ALDH1L1: variants seen among roughly 807,000 people sequenced by gnomAD.
ALDH1L1 encodes the protein aldehyde dehydrogenase 1 family member L1.
ALDH1L1 carries 68 observed loss-of-function variants against 101.1 expected under a neutral mutation model. That is an observed-to-expected ratio of 0.67 (90% CI 0.55 to 0.82). The LOEUF (loss-of-function observed/expected upper bound fraction) is 0.82, where lower values mean the gene tolerates loss of function less well. ALDH1L1 is among the 40% of genes least tolerant of loss of function. The probability of loss-of-function intolerance (pLI) is 0.00; values close to 1 mark genes in which losing one functional copy is unlikely to be tolerated. For synonymous variants in ALDH1L1, 486 were observed against 470.8 expected (o/e 1.03, Z -0.42); for missense variants, 1,087 against 1,172.7 (o/e 0.93, Z 1.07).
intron 1 of ALDH1L1, among the ~76,000 whole-genome samples, chr3:126,179,493 C>G (rs1274749616): frequency 1.5e-5 from 2 of 134,872 alleles, no homozygotes; most frequent in Non-Finnish European, 3.1e-5. Context: ...GAGCGAGACT[C>G]TGTCTCAAAC....
At chr3:126,144,051 G>T (rs1400423966) in intron 9 of ALDH1L1, among the ~76,000 whole-genome samples, 1 of 152,124 alleles carries the variant, frequency 6.6e-6, no homozygotes, top group East Asian at 1.9e-4. Flanking sequence ...CAAAAAAACA[G>T]TTGCAACTCC....
chr3:126,179,568 C>T (rs779724231), intron 1 of ALDH1L1: 1 of 152,406 alleles, frequency 6.6e-6, no homozygotes, highest in African/African-American at 2.4e-5. Context: ...GCGGGGCAGT[C>T]TCATGTAATT....
At chr3:126,117,517 T>G (rs1297906784) in intron 17 of ALDH1L1, among the ~76,000 whole-genome samples, 3 of 151,178 alleles carry the variant, frequency 2.0e-5, no homozygotes, top group Non-Finnish European at 3.0e-5. Context: ...TTAGCTGGGC[T>G]TGGTGGTGCA....
intron 1 of ALDH1L1, among the ~76,000 whole-genome samples, chr3:126,173,058 TG>T (rs1222728286): frequency 2.0e-5 from 3 of 152,072 alleles, no homozygotes; most frequent in African/African-American, 7.2e-5. Context: ...AAACAAAAAT[TG>T]AAGGAATTTG....
At chr3:126,157,565 C>T in intron 3 of ALDH1L1, 57 bp from the exon 4 acceptor site, 1 of 1,583,812 alleles carries the variant, frequency 6.3e-7, no homozygotes, top group Admixed American at 1.7e-5. Context: ...GGAGGATGTC[C>T]TGGGTACAGG....
At chr3:126,120,562 G>A (rs1432091776) in intron 16 of ALDH1L1, among the ~76,000 whole-genome samples, 1 of 152,194 alleles carries the variant, frequency 6.6e-6, no homozygotes, top group Non-Finnish European at 1.5e-5. Context: ...AAAACCCATG[G>A]AATGTACAAC....
intron 16 of ALDH1L1, among the ~76,000 whole-genome samples, chr3:126,120,279 G>A (rs1382946027): frequency 6.6e-6 from 1 of 152,236 alleles, no homozygotes; most frequent in Non-Finnish European, 1.5e-5. Context: ...TCAGACAAGG[G>A]AAATTATTCA....
At chr3:126,187,460 C>A (rs1559985462) in intron 1 of ALDH1L1, among the ~76,000 whole-genome samples, 1 of 152,050 alleles carries the variant, frequency 6.6e-6, no homozygotes, top group African/African-American at 2.4e-5. Flanking sequence ...GTAAGGTCAT[C>A]TCCCGAGGTG....
chr3:126,144,164 C>T (rs2080625038), intron 9 of ALDH1L1, among the ~76,000 whole-genome samples: 1 of 152,030 alleles, frequency 6.6e-6, no homozygotes, highest in South Asian at 2.1e-4. Flanking sequence ...AAGTAGCCAA[C>T]AGAGTTGTAC....
intron 22 of ALDH1L1, chr3:126,105,329 C>T (rs1029298385): frequency 8.9e-6 from 3 of 338,412 alleles, no homozygotes; most frequent in South Asian, 2.5e-5. Context: ...ACCACTCTGG[C>T]CTCTCTGCAG....
chr3:126,167,544 T>C (rs2081194106), intron 1 of ALDH1L1, among the ~76,000 whole-genome samples: 1 of 152,110 alleles, frequency 6.6e-6, no homozygotes, highest in Admixed American at 6.6e-5. Flanking sequence ...TGGCAGCTAA[T>C]TTACCTGTCT....
At chr3:126,149,675 C>A (rs2080770550) in intron 8 of ALDH1L1, among the ~76,000 whole-genome samples, 1 of 152,188 alleles carries the variant, frequency 6.6e-6, no homozygotes, top group African/African-American at 2.4e-5. Flanking sequence ...CTGTTAACAC[C>A]CAAGGTCCCC....
chr3:126,121,957 C>T (rs931011945), intron 16 of ALDH1L1, among the ~76,000 whole-genome samples: 1 of 152,172 alleles, frequency 6.6e-6, no homozygotes, highest in African/African-American at 2.4e-5. Flanking sequence ...ACCCAGACCG[C>T]ACTCATAAGG....
At chr3:126,165,680 A>G (rs2081152992) in intron 1 of ALDH1L1, among the ~76,000 whole-genome samples, 1 of 152,036 alleles carries the variant, frequency 6.6e-6, no homozygotes, top group Admixed American at 6.5e-5. Flanking sequence ...GAATTTATCC[A>G]TTTCCTTTAG....
At position 126,110,047 on chromosome 3, in the gene ALDH1L1, C is replaced by A; in HGVS notation, c.2244G>T (p.Pro748=). 1 of 1,614,226 alleles carries A rather than the reference C, an allele frequency of 6.2e-7. No homozygotes were observed. The highest frequency in any genetic ancestry group is 8.5e-7 in the Non-Finnish European group (1 of 1,180,038). Residue 748 remains proline (P), a synonymous_variant, in exon 20 of 23, where the codon CCG becomes CCT. Coordinates refer to ENST00000393434, the MANE Select transcript of ALDH1L1 (RefSeq NM_012190.4). ...NPLDRDTDHG[P]QNHHAHLVKL... ...TCACAAGGTGGGCATGGTGATTCTG[C>A]GGCCCGTGGTCGGTGTCCCTGTCCA... is the stretch of plus-strand genomic sequence containing the variant.
intron 4 of ALDH1L1, 71 bp from the exon 5 acceptor site, chr3:126,155,574 T>C (rs2080889178): frequency 5.0e-6 from 7 of 1,409,088 alleles, no homozygotes; most frequent in African/African-American, 1.4e-5. Context: ...AGGGCCCACA[T>C]TGAGCCTGGA....
chr3:126,114,911 A>G (rs1481261517), intron 17 of ALDH1L1: 1 of 550,248 alleles, frequency 1.8e-6, no homozygotes, highest in Admixed American at 2.2e-5. Context: ...TCCACACCTC[A>G]TTTCCTGCAG....
chr3:126,131,133 G>A (rs1454733161), intron 13 of ALDH1L1, among the ~76,000 whole-genome samples: 1 of 152,250 alleles, frequency 6.6e-6, no homozygotes, highest in East Asian at 1.9e-4. Flanking sequence ...TTCTGTCCCA[G>A]AGTCTCCAGA....
upstream of ALDH1L1, among the ~76,000 whole-genome samples, chr3:126,184,657 A>G (rs1400137020): frequency 1.3e-5 from 2 of 152,236 alleles, no homozygotes; most frequent in Non-Finnish European, 2.9e-5. Context: ...CTACTGCTCC[A>G]ATCCAGAGGC....
Sources: gnomAD v4.1 joint callset for allele counts (sites outside exome capture counted in the v4.1 genomes callset) on GRCh38, gnomAD v4.1.1 for gene constraint, MANE v1.5 for transcripts, NCBI Gene and HGNC (gene_info 2026-07-23, HGNC 2026-07-21) for gene names.